Variants in PDE7A observed in about 807,000 individuals in gnomAD.
PDE7A encodes phosphodiesterase 7A.
In PDE7A, 39 loss-of-function variants were observed where a neutral mutation model predicts 64.3. That is an observed-to-expected ratio of 0.61 (90% CI 0.47 to 0.79). The LOEUF (loss-of-function observed/expected upper bound fraction) is 0.79, where lower values mean the gene tolerates loss of function less well. PDE7A is among the 30% of genes least tolerant of loss of function. PDE7A has a pLI of 0.00. For synonymous variants in PDE7A, 203 were observed against 206.8 expected (o/e 0.98, Z 0.16); for missense variants, 470 against 582.8 (o/e 0.81, Z 1.99).
chr8:65,750,504 C>CTGTGTGTGTGTGTG (rs1043866998), intron 3 of PDE7A, among the ~76,000 whole-genome samples: 1 of 143,050 alleles, frequency 7.0e-6, no homozygotes, highest in Non-Finnish European at 1.5e-5. Context: ...GTGTGTGTGT[C>CTGTGTGTGTGTGTG]TGTGTGTGTC....
chr8:65,832,682 C>A (rs998971648), intron 1 of PDE7A, among the ~76,000 whole-genome samples: 1 of 152,086 alleles, frequency 6.6e-6, no homozygotes, highest in African/African-American at 2.4e-5. Flanking sequence ...GAGACAGGAT[C>A]TCTCTGTGTT....
intron 7 of PDE7A, 137 bp downstream of exon 7, chr8:65,734,657 T>G: frequency 1.7e-6 from 1 of 584,342 alleles, no homozygotes; most frequent in South Asian, 2.4e-5. Context: ...TTCAGAAACT[T>G]GATCCAGCTA....
intron 3 of PDE7A, among the ~76,000 whole-genome samples, chr8:65,748,756 T>C (rs1807799229): frequency 1.3e-5 from 2 of 152,192 alleles, no homozygotes; most frequent in African/African-American, 4.8e-5. Context: ...TGTTTCCTTA[T>C]GTGTATAATG....
In PDE7A at chr8:65,719,462, G is replaced by T. The variant is rs780220336; in HGVS notation, c.1277C>A (p.Thr426Lys). 1 of 1,613,806 alleles carries T rather than the reference G, an allele frequency of 6.2e-7. No individual in the cohort carries two copies. The highest frequency in any genetic ancestry group is 8.5e-7 in the Non-Finnish European group (1 of 1,179,690). The part of the protein sequence containing the change: ...FMTYLVEPLF[T>K]EWARFSNTRL... ...TGTATTGGAAAACCTGGCCCATTCT[G>T]TAAATAAAGGCTCCACTAGGTAAGT... Residue 426 changes from threonine (T) to lysine (K), a missense_variant, in exon 13 of 13, where the codon ACA becomes AAA. Thr to Lys is a moderately conservative substitution (Grantham distance 78). Coordinates refer to ENST00000401827, the MANE Select transcript of PDE7A (RefSeq NM_001242318.3).
At chr8:65,743,488 C>T (rs1306676985) in intron 5 of PDE7A, among the ~76,000 whole-genome samples, 2 of 152,154 alleles carry the variant, frequency 1.3e-5, no homozygotes, top group Non-Finnish European at 2.9e-5. Flanking sequence ...CTGATAAAGA[C>T]AAACTTCACT....
intron 1 of PDE7A, chr8:65,838,852 C>T (rs768918866): frequency 2.0e-5 from 3 of 152,216 alleles, no homozygotes; most frequent in East Asian, 1.9e-4. Flanking sequence ...TACTTGAAAA[C>T]AAGTTGTGTC....
intron 3 of PDE7A, among the ~76,000 whole-genome samples, chr8:65,770,310 C>T (rs74918501): frequency 6.6e-6 from 1 of 152,164 alleles, no homozygotes; most frequent in African/African-American, 2.4e-5. Flanking sequence ...TTGATGGACT[C>T]ACAGTTCCAT....
intron 3 of PDE7A, among the ~76,000 whole-genome samples, chr8:65,748,671 G>A (rs1807796350): frequency 6.6e-6 from 1 of 152,138 alleles, no homozygotes; most frequent in Non-Finnish European, 1.5e-5. Context: ...GAATCACCAG[G>A]TGAAATGGAA....
At chr8:65,830,328 C>T in intron 1 of PDE7A, among the ~76,000 whole-genome samples, 1 of 151,642 alleles carries the variant, frequency 6.6e-6, no homozygotes, top group East Asian at 1.9e-4. Flanking sequence ...GAATCAAATC[C>T]AGTTGCTACC....
intron 1 of PDE7A, among the ~76,000 whole-genome samples, chr8:65,791,665 C>T (rs1185094789): frequency 6.6e-6 from 1 of 152,110 alleles, no homozygotes; most frequent in Non-Finnish European, 1.5e-5. Flanking sequence ...ATGTCTGACA[C>T]GGTAATACAG....
At chr8:65,800,156 C>T (rs1042638798) in intron 1 of PDE7A, among the ~76,000 whole-genome samples, 11 of 151,168 alleles carry the variant, frequency 7.3e-5, no homozygotes, top group Admixed American at 1.3e-4. Flanking sequence ...TTCAGAGGCT[C>T]GGACCCCCCA....
At chr8:65,833,195 CTCTCCA>C (rs1055974256) in intron 1 of PDE7A, among the ~76,000 whole-genome samples, 15 of 152,200 alleles carry the variant, frequency 9.9e-5, no homozygotes, top group African/African-American at 3.1e-4. Flanking sequence ...CTCTCACCAA[CTCTCCA>C]TCTCCATCTC....
intron 3 of PDE7A, among the ~76,000 whole-genome samples, chr8:65,756,087 T>C (rs1808230314): frequency 6.6e-6 from 1 of 152,254 alleles, no homozygotes; most frequent in African/African-American, 2.4e-5. Context: ...AATATGTTAG[T>C]TTATTCCCTT....
chr8:65,759,054 C>T (rs1006344753), intron 3 of PDE7A, among the ~76,000 whole-genome samples: 1 of 152,208 alleles, frequency 6.6e-6, no homozygotes, highest in Non-Finnish European at 1.5e-5. Flanking sequence ...TGCTGCAGTA[C>T]CCCCAGATCC....
At chr8:65,776,988 T>C (rs754398523) in intron 3 of PDE7A, among the ~76,000 whole-genome samples, 16 of 152,254 alleles carry the variant, frequency 1.1e-4, no homozygotes, top group Non-Finnish European at 1.9e-4. Context: ...ATGGGTTTTG[T>C]AGCTAATGTT....
At chr8:65,789,628 A>T (rs1477620106) in intron 1 of PDE7A, among the ~76,000 whole-genome samples, 1 of 152,222 alleles carries the variant, frequency 6.6e-6, no homozygotes, top group Non-Finnish European at 1.5e-5. Flanking sequence ...TTCAAGCACT[A>T]ACTGCAATCT....
chr8:65,722,212 C>CT (rs1806411523), intron 12 of PDE7A: 1 of 152,244 alleles, frequency 6.6e-6, no homozygotes, highest in South Asian at 2.1e-4. Context: ...ATCTGCTACT[C>CT]TCAGCATTCC....
chr8:65,751,471 T>C (rs1807951003), intron 3 of PDE7A, among the ~76,000 whole-genome samples: 1 of 152,006 alleles, frequency 6.6e-6, no homozygotes, highest in African/African-American at 2.4e-5. Context: ...GTATCCTTCC[T>C]GAGGTTTTTT....
intron 4 of PDE7A, 119 bp from the exon 5 acceptor site, chr8:65,745,589 AG>A: frequency 8.1e-6 from 5 of 616,264 alleles, no homozygotes; most frequent in Non-Finnish European, 8.6e-6. Flanking sequence ...AAAAAATACA[AG>A]TATCATTTTT....
Sources: allele counts gnomAD v4.1 joint callset (sites outside exome capture counted in the v4.1 genomes callset), GRCh38; gene constraint gnomAD v4.1.1; transcripts MANE v1.5; gene names NCBI Gene and HGNC (gene_info 2026-07-23, HGNC 2026-07-21).